Variants in MNS1 observed in about 807,000 individuals in gnomAD.
MNS1 encodes meiosis-specific nuclear structural protein 1.
Under a neutral mutation model 72.0 loss-of-function variants are expected in MNS1, and 63 were observed. The observed-to-expected ratio is 0.87, with a 90% confidence interval of 0.71 to 1.08. MNS1 has a LOEUF of 1.08. Among genes scored for constraint, MNS1 ranks in the 50% least tolerant of loss-of-function variants. The probability of loss-of-function intolerance (pLI) is 0.00; values close to 1 mark genes in which losing one functional copy is unlikely to be tolerated. For synonymous variants in MNS1, 188 were observed against 172.1 expected, an observed-to-expected ratio of 1.09 and a Z score of -0.72; for missense variants, 604 against 562.4, an observed-to-expected ratio of 1.07 and a Z score of -0.75.
At chr15:56,452,158 T>G (rs2050951775) in intron 3 of MNS1, among the ~76,000 whole-genome samples, 2 of 152,180 alleles carry the variant, frequency 1.3e-5, no homozygotes, top group South Asian at 4.1e-4. Flanking sequence ...TCAGGTTAGA[T>G]GATTCACTAG....
chr15:56,445,752 C>A (rs530075897), intron 4 of MNS1: 47 of 152,144 alleles, frequency 3.1e-4, no homozygotes, highest in African/African-American at 1.1e-3. Context: ...ATTCGACTTT[C>A]ATTTTGTGGA....
chr15:56,452,263 G>T (rs1341847328), intron 3 of MNS1, among the ~76,000 whole-genome samples: 1 of 152,110 alleles, frequency 6.6e-6, no homozygotes, highest in African/African-American at 2.4e-5. Context: ...AAAGGCACAT[G>T]GGTGAAATTC....
At chr15:56,449,375 T>C (rs1596265529) in intron 3 of MNS1, among the ~76,000 whole-genome samples, 1 of 151,804 alleles carries the variant, frequency 6.6e-6, no homozygotes, top group Non-Finnish European at 1.5e-5. Flanking sequence ...TTTCTAATCA[T>C]ATAATTGTTA....
chr15:56,437,989 T>A (rs2050757146), intron 7 of MNS1, among the ~76,000 whole-genome samples: 1 of 152,168 alleles, frequency 6.6e-6, no homozygotes, highest in Non-Finnish European at 1.5e-5. Context: ...TGGAAGAACA[T>A]TCCATGCTCA....
chr15:56,434,241 A>G lies in MNS1; in HGVS notation c.1166T>C (p.Ile389Thr). ...MLAKFAEDDR[I>T]ELMNAQKQRM... ...TTGTTTCTGAGCATTCATTAATTCT[A>G]TTCGATCATCCTCAGCAAATTTAGC... is the stretch of plus-strand genomic sequence containing the variant. Residue 389 changes from isoleucine (I) to threonine (T), a missense_variant, in exon 8 of 10, where the codon ATA (isoleucine) becomes ACA (threonine). Coordinates refer to ENST00000260453, the MANE Select transcript of MNS1 (RefSeq NM_018365.4). 1 of 1,613,926 alleles carries G rather than the reference A, an allele frequency of 6.2e-7. No homozygotes were observed. The highest frequency in any genetic ancestry group is 8.5e-7 in the Non-Finnish European group (1 of 1,179,918).
chr15:56,455,719 C>A (rs1385472740), intron 3 of MNS1, among the ~76,000 whole-genome samples: 3 of 152,050 alleles, frequency 2.0e-5, no homozygotes, highest in African/African-American at 7.2e-5. Context: ...ATCTGGCAGT[C>A]TTTCTTGGAG....
chr15:56,438,232 T>C (rs1157075147), intron 7 of MNS1, among the ~76,000 whole-genome samples: 1 of 152,118 alleles, frequency 6.6e-6, no homozygotes, highest in African/African-American at 2.4e-5. Flanking sequence ...AAGGCTACAG[T>C]AACCAAAACA....
intron 7 of MNS1, among the ~76,000 whole-genome samples, chr15:56,436,002 G>T (rs1271116398): frequency 6.6e-6 from 1 of 151,906 alleles, no homozygotes; most frequent in African/African-American, 2.4e-5. Flanking sequence ...AAAAATCAAT[G>T]TAATATACTT....
In MNS1 at chr15:56,443,736, TTC is replaced by T. The variant is rs2050858702; in HGVS notation, c.803_804del (p.Arg268LysfsTer7). ...KKREEMEEEN[R>X]KIIEFANMQQ... is the part of the protein sequence containing the mutation. ...TGCATGTTAGCAAACTCTATGATTT[TTC>T]TGTTTTCTTCTTCCATCTCCTCACG... On this transcript the variant is annotated frameshift_variant, in exon 6 of 10. Transcript: ENST00000260453. LOFTEE classifies it high-confidence loss of function. The T allele has an allele frequency of 6.2e-7, 1 of 1,613,372 alleles. No individual in the cohort carries two copies. Among genetic ancestry groups the T allele is most frequent in the South Asian group, 1.1e-5 (1 of 91,014 alleles).
chr15:56,431,573 T>C, intron 8 of MNS1, 75 bp from the exon 9 acceptor site: 1 of 1,450,114 alleles, frequency 6.9e-7, no homozygotes, highest in Non-Finnish European at 9.5e-7. Context: ...AAACTACTCA[T>C]GCAATGAATT....
chr15:56,430,759 C>T (rs891720384), intron 9 of MNS1, among the ~76,000 whole-genome samples: 3 of 152,144 alleles, frequency 2.0e-5, no homozygotes, highest in Non-Finnish European at 4.4e-5. Flanking sequence ...GTGCCTATTA[C>T]TGGTGTTACC....
intron 3 of MNS1, among the ~76,000 whole-genome samples, chr15:56,452,849 G>A (rs566221421): frequency 3.3e-5 from 5 of 152,214 alleles, no homozygotes; most frequent in South Asian, 2.1e-4. Flanking sequence ...TTTAGCCACA[G>A]TGAATCATCC....
At chr15:56,457,246 C>CT (rs781405188) in intron 2 of MNS1, among the ~76,000 whole-genome samples, 10 of 152,122 alleles carry the variant, frequency 6.6e-5, no homozygotes, top group African/African-American at 2.4e-4. Context: ...TATCACTGAA[C>CT]TTTTTTTCTC....
rs1328343990 is a variant in MNS1 at position 56,428,873 on chromosome 15, T to A, written c.*228A>T. 2 of 476,652 alleles carry A rather than the reference T, an allele frequency of 4.2e-6. No individual in the cohort carries two copies. 29.5% of individuals were successfully genotyped at this position (476,652 alleles called of 1,614,324 possible). A position where few individuals can be genotyped will look rare whatever the true frequency, so the allele number is the denominator to read the frequency against. On this transcript the variant is annotated 3_prime_UTR_variant, in exon 10 of 10. Coordinates refer to ENST00000260453, the MANE Select transcript of MNS1 (RefSeq NM_018365.4). ...TTGAGGATGGGGATGCAAACAGTGC[T>A]CTGTAGTGTTGTAGAAATCGGATTT...
At chr15:56,438,395 A>G (rs576599746) in intron 7 of MNS1, among the ~76,000 whole-genome samples, 22 of 152,294 alleles carry the variant, frequency 1.4e-4, no homozygotes, top group African/African-American at 5.1e-4. Context: ...CAATAGGGAA[A>G]GGAGTCCCTG....
At chr15:56,430,689 T>C (rs1410085348) in intron 9 of MNS1, among the ~76,000 whole-genome samples, 1 of 152,118 alleles carries the variant, frequency 6.6e-6, no homozygotes, top group Non-Finnish European at 1.5e-5. Flanking sequence ...TCATACACAT[T>C]CTCATCTTTG....
intron 3 of MNS1, among the ~76,000 whole-genome samples, chr15:56,453,577 G>A (rs1229923894): frequency 2.6e-5 from 4 of 151,828 alleles, no homozygotes; most frequent in Non-Finnish European, 2.9e-5. Flanking sequence ...TGAGATATGA[G>A]GTACTTGCTT....
At chr15:56,434,787 A>G (rs923750392) in intron 7 of MNS1, among the ~76,000 whole-genome samples, 2 of 152,008 alleles carry the variant, frequency 1.3e-5, no homozygotes, top group African/African-American at 4.8e-5. Context: ...ACCCATAAGT[A>G]TTTTTCAGTT....
At chr15:56,460,896 C>T (rs2051016080) in intron 2 of MNS1, among the ~76,000 whole-genome samples, 1 of 152,100 alleles carries the variant, frequency 6.6e-6, no homozygotes, top group Non-Finnish European at 1.5e-5. Flanking sequence ...TGAAGGCAGG[C>T]AAGTTCTAAG....
Sources: gnomAD v4.1 joint callset for allele counts (sites outside exome capture counted in the v4.1 genomes callset) on GRCh38, gnomAD v4.1.1 for gene constraint, MANE v1.5 for transcripts, NCBI Gene and HGNC (gene_info 2026-07-23, HGNC 2026-07-21) for gene names.